TDRD12: variants seen among roughly 807,000 people sequenced by gnomAD.
The protein encoded by TDRD12 is putative ATP-dependent RNA helicase TDRD12.
A neutral mutation model predicts 133.5 loss-of-function variants in TDRD12; 158 were observed. The observed-to-expected ratio is 1.18, with a 90% CI of 1.04 to 1.35. TDRD12 has a LOEUF of 1.35. TDRD12 is among the 40% of genes most tolerant of loss of function. TDRD12 has a pLI of 0.00. For synonymous variants in TDRD12, 460 were observed against 477.9 expected, an observed-to-expected ratio of 0.96 and a Z score of 0.49; for missense variants, 1,443 against 1,321.3, an observed-to-expected ratio of 1.09 and a Z score of -1.43.
chr19:32,801,215 AAAG>A (rs1176838836), intron 18 of TDRD12, among the ~76,000 whole-genome samples: 11 of 152,186 alleles, frequency 7.2e-5, no homozygotes, highest in East Asian at 1.9e-4. Flanking sequence ...AAAAAAAAAA[AAAG>A]AAGAAGAAAA....
chr19:32,742,159 C>CT (rs10692209), intron 3 of TDRD12, among the ~76,000 whole-genome samples: 35,025 of 144,130 alleles, frequency 0.24, 4,656 homozygotes, highest in African/African-American at 0.37. Flanking sequence ...CCTTATTAGA[C>CT]TTTTTTTTTT....
chr19:32,820,906 C>A, intron 27 of TDRD12, 127 bp from the exon 28 acceptor site: 1 of 673,968 alleles, frequency 1.5e-6, no homozygotes, highest in Non-Finnish European at 2.5e-6. Context: ...TCTTAAATGT[C>A]ATAAGCTCTA....
At chr19:32,766,100 T>C (rs1970289035) in intron 8 of TDRD12, among the ~76,000 whole-genome samples, 1 of 152,182 alleles carries the variant, frequency 6.6e-6, no homozygotes, top group South Asian at 2.1e-4. Context: ...TTTTAACCTA[T>C]TTGTGCCTTT....
intron 1 of TDRD12, among the ~76,000 whole-genome samples, chr19:32,724,459 G>C (rs898924902): frequency 6.6e-6 from 1 of 152,108 alleles, no homozygotes; most frequent in Non-Finnish European, 1.5e-5. Flanking sequence ...CTGTTTATAA[G>C]TGAGAACATA....
chr19:32,756,495 C>G (rs1969998657), intron 7 of TDRD12, among the ~76,000 whole-genome samples: 1 of 152,046 alleles, frequency 6.6e-6, no homozygotes, highest in Admixed American at 6.6e-5. Flanking sequence ...TCACACCATT[C>G]TCCTGCCTCA....
chr19:32,774,884 C>T (rs887965475), intron 10 of TDRD12, among the ~76,000 whole-genome samples: 1 of 151,714 alleles, frequency 6.6e-6, no homozygotes, highest in Non-Finnish European at 1.5e-5. Context: ...ACTCGGGAGG[C>T]AGAGGCATGA....
At chr19:32,738,511 T>C (rs1417915356) in intron 2 of TDRD12, among the ~76,000 whole-genome samples, 1 of 152,110 alleles carries the variant, frequency 6.6e-6, no homozygotes, top group African/African-American at 2.4e-5. Flanking sequence ...ATGTTAACAC[T>C]GACCTTAAAA....
intron 11 of TDRD12, among the ~76,000 whole-genome samples, chr19:32,787,041 G>A (rs1280629657): frequency 6.6e-6 from 1 of 152,116 alleles, no homozygotes; most frequent in East Asian, 1.9e-4. Context: ...TTTTGCTCTG[G>A]TTTCTCCCCA....
chr19:32,790,507 A>C, intron 11 of TDRD12, 24 bp from the exon 12 acceptor site: 8 of 1,546,728 alleles, frequency 5.2e-6, no homozygotes, highest in Non-Finnish European at 6.1e-6. Flanking sequence ...TTTTCTTCAC[A>C]TTCTTCTTTT....
exon 17 of TDRD12, chr19:32,800,244 A>G: frequency 6.5e-7 from 1 of 1,535,346 alleles, no homozygotes; most frequent in Non-Finnish European, 8.7e-7. Flanking sequence ...AGATTGTTGC[A>G]GTTGGAGTTC....
chr19:32,742,980 C>A, intron 4 of TDRD12, 80 bp downstream of exon 4: 1 of 1,510,382 alleles, frequency 6.6e-7, no homozygotes, highest in South Asian at 1.3e-5. Context: ...GAAGTCAGTT[C>A]CTCTGTAGAA....
intron 11 of TDRD12, among the ~76,000 whole-genome samples, chr19:32,782,977 A>G (rs1202117446): frequency 2.0e-5 from 3 of 152,276 alleles, no homozygotes; most frequent in Admixed American, 6.5e-5. Context: ...ATTAGATTCT[A>G]TTTGTCAATT....
At chr19:32,773,634 G>T (rs1970499241) in intron 10 of TDRD12, 102 bp downstream of exon 10, 3 of 893,184 alleles carry the variant, frequency 3.4e-6, no homozygotes, top group Non-Finnish European at 3.6e-6. Context: ...GGAGGTCGAG[G>T]CTTCAGTGAG....
chr19:32,765,535 T>C (rs1030049854), intron 8 of TDRD12, among the ~76,000 whole-genome samples: 5 of 152,138 alleles, frequency 3.3e-5, no homozygotes, highest in Admixed American at 6.6e-5. Context: ...GTGGCACATA[T>C]ACACCATGGA....
exon 10 of TDRD12, chr19:32,827,680 A>C (rs1221598568): frequency 6.6e-6 from 1 of 152,342 alleles, no homozygotes; most frequent in African/African-American, 2.4e-5. Context: ...ACACCCGGCC[A>C]ACCAAATCTT....
chr19:32,774,490 G>T (rs959950525), intron 10 of TDRD12, among the ~76,000 whole-genome samples: 1 of 151,266 alleles, frequency 6.6e-6, no homozygotes, highest in Non-Finnish European at 1.5e-5. Flanking sequence ...TTCATTTTAG[G>T]TTCATTTTGA....
chr19:32,778,247 C>G (rs1970665397), intron 11 of TDRD12, among the ~76,000 whole-genome samples: 3 of 151,902 alleles, frequency 2.0e-5, no homozygotes. Context: ...TCTTACCCCA[C>G]AGGACACCAC....
At chr19:32,737,828 G>A (rs1046941631) in intron 2 of TDRD12, among the ~76,000 whole-genome samples, 1 of 152,212 alleles carries the variant, frequency 6.6e-6, no homozygotes, top group African/African-American at 2.4e-5. Flanking sequence ...ACAAATGTCA[G>A]AGGCCAATAA....
At chr19:32,787,591 T>A (rs1970944013) in intron 11 of TDRD12, among the ~76,000 whole-genome samples, 1 of 152,170 alleles carries the variant, frequency 6.6e-6, no homozygotes, top group Non-Finnish European at 1.5e-5. Flanking sequence ...AGTTTGAGCT[T>A]CCCCGCTGCT....
Sources: gnomAD v4.1 joint callset for allele counts (sites outside exome capture counted in the v4.1 genomes callset) on GRCh38, gnomAD v4.1.1 for gene constraint, MANE v1.5 for transcripts, NCBI Gene and HGNC (gene_info 2026-07-23, HGNC 2026-07-21) for gene names.